Variants in PDE1B observed in about 807,000 individuals in gnomAD.
PDE1B encodes phosphodiesterase 1B, also known as dual specificity calcium/calmodulin-dependent 3',5'-cyclic nucleotide phosphodiesterase 1B.
A neutral mutation model predicts 66.7 loss-of-function variants in PDE1B; 13 were observed. The observed-to-expected ratio is 0.19, with a 90% CI of 0.13 to 0.31. The LOEUF is 0.31. Ranked by LOEUF, PDE1B falls within the 10% of genes least tolerant of loss-of-function variation. The pLI is 1.00. For synonymous variants in PDE1B, 230 were observed against 253.9 expected (o/e 0.91, Z 0.90); for missense variants, 485 against 682.3 (o/e 0.71, Z 3.22).
In PDE1B at chr12:54,575,980, C is replaced by G. The variant is rs375297423; in HGVS notation, c.1268-12C>G. On this transcript the variant is annotated splice_polypyrimidine_tract_variant and intron_variant, in intron 12 of 15. Coordinates refer to ENST00000243052, the MANE Select transcript of PDE1B (RefSeq NM_000924.4). This position sits in a 1 kb window ranked among gnomAD's most constrained non-coding sequence, Gnocchi z 4.0. The stretch of plus-strand genomic sequence containing the variant: ...AGTAAGACATCTCTACGGCATTGCT[C>G]CTCCACTGCAGGGTTCATCGACTTC... The G allele has an allele frequency of 6.9e-5, 108 of 1,568,332 alleles. No homozygotes were observed. The African/African-American group carries it at 1.4e-3, about 20-fold the overall frequency.
At chr12:54,561,595 C>G in intron 2 of PDE1B, 3 of 1,532,662 alleles carry the variant, frequency 2.0e-6, no homozygotes, top group Non-Finnish European at 2.6e-6. Context: ...ATGGCAAACC[C>G]TGTTCCTGTT....
In PDE1B at chr12:54,569,438, C is replaced by A; in HGVS notation, c.410+72C>A. On this transcript the variant is annotated intron_variant, in intron 4 of 15. Transcript: ENST00000243052. This position sits in a 1 kb window ranked among gnomAD's most constrained non-coding sequence, Gnocchi z 4.4. ...CTCTTTCCCAGCCACCCTGGTCTTC[C>A]ATGACCACCAGCCATATGATCCCAT... The A allele has an allele frequency of 6.3e-7, 1 of 1,588,110 alleles. No individual in the cohort carries two copies. Among genetic ancestry groups the A allele is most frequent in the Non-Finnish European group, 8.6e-7 (1 of 1,162,202 alleles).
Position 54,549,610 on chromosome 12 carries a change from C to T in PDE1B, c.-176C>T. 8.9e-6 allele frequency: 4 copies of T among 450,744 alleles called. No homozygotes were observed. The highest frequency in any genetic ancestry group is 3.2e-5 in the South Asian group (1 of 31,086). 27.9% of individuals were successfully genotyped at this position (450,744 alleles called of 1,614,324 possible). On this transcript the variant is annotated 5_prime_UTR_variant, in exon 1 of 16. Transcript: ENST00000243052. ...AGGAGGCGGCTCTGGCAGCGCGCGG[C>T]GGCGGCGGCGGTAGCGGCAGCAGCA...
At chr12:54,570,599 G>A (rs1592381406) in intron 6 of PDE1B, 4 of 483,724 alleles carry the variant, frequency 8.3e-6, no homozygotes, top group East Asian at 7.1e-5. Flanking sequence ...CTGGGATTCT[G>A]CTCTCTCCCG....
At chr12:54,565,603 T>C (rs1360159632) in intron 2 of PDE1B, among the ~76,000 whole-genome samples, 1 of 152,208 alleles carries the variant, frequency 6.6e-6, no homozygotes, top group Non-Finnish European at 1.5e-5. Context: ...GCAGGAAGGC[T>C]GAAAGTGAGA....
chr12:54,575,693 C>A lies in PDE1B; in HGVS notation c.1267+61C>A. 1 of 1,197,698 alleles carries A rather than the reference C, an allele frequency of 8.3e-7. No homozygotes were observed. The highest frequency in any genetic ancestry group is 1.2e-6 in the Non-Finnish European group (1 of 809,414). 74.2% of individuals were successfully genotyped at this position (1,197,698 alleles called of 1,614,324 possible). The stretch of plus-strand genomic sequence containing the variant: ...GAGGGGGAAAAGATGCTGCCTGGGT[C>A]AGGATTGCTCCAAGTCCTCAATCCC... On this transcript the variant is annotated intron_variant, in intron 12 of 15. Coordinates refer to ENST00000243052, the MANE Select transcript of PDE1B (RefSeq NM_000924.4). This position sits in a 1 kb window ranked among gnomAD's most constrained non-coding sequence, Gnocchi z 4.0.
intron 2 of PDE1B, among the ~76,000 whole-genome samples, chr12:54,552,952 G>A (rs770971031): frequency 1.3e-5 from 2 of 152,234 alleles, no homozygotes; most frequent in Non-Finnish European, 2.9e-5. Flanking sequence ...CAAGAAAAAC[G>A]ATGAGCAGAC....
chr12:54,575,282 G>C lies in PDE1B; in HGVS notation c.1185+64G>C. ...CCTTCTCTCCCCTTTTGCCCTCCAA[G>C]TTCCCCAATCCTGTTCCACATCCTC... On this transcript the variant is annotated intron_variant, in intron 11 of 15. Transcript: ENST00000243052. The surrounding 1 kb of genome is among the most constrained non-coding windows in gnomAD (Gnocchi z 4.0). 1.4e-6 allele frequency: 2 copies of C among 1,460,738 alleles called. No individual in the cohort carries two copies. The highest frequency in any genetic ancestry group is 1.9e-6 in the Non-Finnish European group (2 of 1,044,626). The allele number at this position is 1,460,738 out of a possible 1,614,324, so 90.5% of individuals were successfully genotyped here. A position where few individuals can be genotyped will look rare whatever the true frequency, so the allele number is the denominator to read the frequency against.
chr12:54,555,716 A>T (rs935887373), intron 2 of PDE1B, among the ~76,000 whole-genome samples: 3 of 151,994 alleles, frequency 2.0e-5, no homozygotes, highest in African/African-American at 7.3e-5. Context: ...ATTTGTGTCC[A>T]ACTCCTCTGC....
At position 54,549,869 on chromosome 12, in the gene PDE1B, G is replaced by A. The variant is rs764492666; in HGVS notation, c.-4G>A. ...TCCTTCTGTTCCGTAGACCGTGGCT[G>A]AGCATGGAGCTGTCCCCCCGCAGTC... On this transcript the variant is annotated 5_prime_UTR_variant, in exon 2 of 16. Transcript: ENST00000243052. 1 of 1,611,022 alleles carries A rather than the reference G, an allele frequency of 6.2e-7. No homozygotes were observed. The highest frequency in any genetic ancestry group is 1.1e-5 in the South Asian group (1 of 90,922).
At chr12:54,558,705 G>C (rs567311939) in intron 2 of PDE1B, among the ~76,000 whole-genome samples, 1 of 152,328 alleles carries the variant, frequency 6.6e-6, no homozygotes, top group East Asian at 1.9e-4. Flanking sequence ...GAGTGGTGGC[G>C]TCAGGGAGAC....
In PDE1B at chr12:54,573,807, C is replaced by G. The variant is rs774247727; in HGVS notation, c.1064+98C>G. The G allele has an allele frequency of 4.8e-6, 4 of 833,570 alleles. No individual in the cohort carries two copies. Among genetic ancestry groups the G allele is most frequent in the Non-Finnish European group, 8.2e-6 (4 of 485,660 alleles). 51.6% of individuals were successfully genotyped at this position (833,570 alleles called of 1,614,324 possible). On this transcript the variant is annotated intron_variant, in intron 10 of 15. Coordinates refer to ENST00000243052, the MANE Select transcript of PDE1B (RefSeq NM_000924.4). The surrounding 1 kb of genome is among the most constrained non-coding windows in gnomAD (Gnocchi z 5.2). ...GGTAGTTGGTGTGCCAGGTCTTTAC[C>G]TCGCTGTAGAGACTCCACTGGCTTC...
intron 2 of PDE1B, among the ~76,000 whole-genome samples, chr12:54,553,083 T>C (rs1009604371): frequency 1.3e-5 from 2 of 152,194 alleles, no homozygotes; most frequent in Admixed American, 1.3e-4. Context: ...ACAGACATAG[T>C]CCCTCTTCCT....
At chr12:54,560,848 G>T (rs1957398470) in intron 2 of PDE1B, among the ~76,000 whole-genome samples, 1 of 152,144 alleles carries the variant, frequency 6.6e-6, no homozygotes, top group South Asian at 2.1e-4. Flanking sequence ...GGGGCTGGGG[G>T]TGTTAATTTG....
At chr12:54,570,153 A>G in intron 5 of PDE1B, 88 bp from the exon 6 acceptor site, 1 of 787,830 alleles carries the variant, frequency 1.3e-6, no homozygotes, top group Non-Finnish European at 2.3e-6. Flanking sequence ...ATTTACCAAG[A>G]CTTTGTACTC....
intron 2 of PDE1B, among the ~76,000 whole-genome samples, chr12:54,552,258 T>A (rs1957288878): frequency 1.3e-5 from 2 of 152,130 alleles, no homozygotes; most frequent in African/African-American, 4.8e-5. Context: ...GGTTTCTGAA[T>A]AGGTGAGAAA....
chr12:54,561,645 C>T (rs1315986045), intron 2 of PDE1B: 2 of 1,530,280 alleles, frequency 1.3e-6, no homozygotes, highest in South Asian at 2.4e-5. Context: ...CAGGTAGGTG[C>T]CAGGGATGAG....
chr12:54,552,429 T>TCTAA (rs1437555474), intron 2 of PDE1B, among the ~76,000 whole-genome samples: 1 of 152,220 alleles, frequency 6.6e-6, no homozygotes, highest in Admixed American at 6.5e-5. Context: ...TATGTATTTA[T>TCTAA]CTAACTATCT....
At chr12:54,561,364 C>A in intron 2 of PDE1B, 1 of 761,880 alleles carries the variant, frequency 1.3e-6, no homozygotes, top group Non-Finnish European at 1.8e-6. Flanking sequence ...TTTCCCGCAG[C>A]CTCCCCTCTC....
Sources: gnomAD v4.1 joint callset for allele counts (sites outside exome capture counted in the v4.1 genomes callset) on GRCh38, gnomAD v4.1.1 for gene constraint, Gnocchi (gnomAD v3.1) non-coding constraint, MANE v1.5 for transcripts, NCBI Gene and HGNC (gene_info 2026-07-23, HGNC 2026-07-21) for gene names.